Variants in DCC observed in about 807,000 individuals in gnomAD.
DCC encodes the protein netrin receptor DCC.
DCC carries 58 observed loss-of-function variants against 172.5 expected under a neutral mutation model. That is an observed-to-expected ratio of 0.34 (90% confidence interval 0.27 to 0.42). The LOEUF (loss-of-function observed/expected upper bound fraction) is 0.42, where lower values mean the gene tolerates loss of function less well. DCC is among the 10% of genes least tolerant of loss of function. DCC has a pLI of 1.00. For synonymous variants in DCC, 709 were observed against 644.5 expected (o/e 1.10, Z -1.52); for missense variants, 1,740 against 1,791.0 (o/e 0.97, Z 0.51).
In DCC at chr18:53,534,924, G is replaced by C. The variant is rs1456449513; in HGVS notation, c.*4271G>C. 2.0e-5 allele frequency: 3 copies of C among 152,152 alleles called. No homozygotes were observed. Among genetic ancestry groups the C allele is most frequent in the Admixed American group, 2.0e-4 (3 of 15,270 alleles). The allele number at this position is 152,152 out of a possible 1,614,324, so 9.4% of individuals were successfully genotyped here. A position where few individuals can be genotyped will look rare whatever the true frequency, so the allele number is the denominator to read the frequency against. ...ACTTTTTTCTCTTACTCTCAATAGA[G>C]AGCCTTTGTACATTGTCATCCTATG... is the stretch of plus-strand genomic sequence containing the variant. On this transcript the variant is annotated 3_prime_UTR_variant, in exon 29 of 29. Coordinates refer to ENST00000442544, the MANE Select transcript of DCC (RefSeq NM_005215.4).
At chr18:53,394,912 C>A (rs368963521) in intron 17 of DCC, among the ~76,000 whole-genome samples, 1 of 148,518 alleles carries the variant, frequency 6.7e-6, no homozygotes, top group Admixed American at 6.7e-5. Flanking sequence ...GAGGCCGAGG[C>A]GGGTGGATCG....
chr18:53,205,620 T>C (rs1319293230), intron 10 of DCC, among the ~76,000 whole-genome samples: 1 of 152,150 alleles, frequency 6.6e-6, no homozygotes, highest in African/African-American at 2.4e-5. Context: ...TTTGGTTGAG[T>C]CTGCAGTGGC....
chr18:53,269,903 G>A (rs570287311), intron 12 of DCC, among the ~76,000 whole-genome samples: 2 of 152,274 alleles, frequency 1.3e-5, no homozygotes, highest in Admixed American at 6.5e-5. Flanking sequence ...CTGGAGAATG[G>A]ATGGCAATAG....
intron 12 of DCC, among the ~76,000 whole-genome samples, chr18:53,299,308 G>T (rs559943895): frequency 5.9e-5 from 9 of 152,098 alleles, no homozygotes; most frequent in Middle Eastern, 3.4e-3. Context: ...TCTCTCTTTT[G>T]CATGGTCTGA....
At chr18:53,175,079 A>G (rs1009468005) in intron 8 of DCC, among the ~76,000 whole-genome samples, 1 of 152,050 alleles carries the variant, frequency 6.6e-6, no homozygotes. Flanking sequence ...CAAAAACCAC[A>G]TGATTATCTC....
At chr18:52,901,367 T>G (rs368174666) in intron 2 of DCC, among the ~76,000 whole-genome samples, 1 of 152,028 alleles carries the variant, frequency 6.6e-6, no homozygotes, top group East Asian at 1.9e-4. Flanking sequence ...AGGAGACAGG[T>G]TGCTATGAGC....
At chr18:53,082,668 C>G (rs1043546350) in intron 7 of DCC, among the ~76,000 whole-genome samples, 7 of 152,064 alleles carry the variant, frequency 4.6e-5, no homozygotes. Flanking sequence ...AATCTATTTA[C>G]TAGCTCTTGT....
chr18:53,284,540 T>A (rs1196187412), intron 12 of DCC, among the ~76,000 whole-genome samples: 1 of 152,180 alleles, frequency 6.6e-6, no homozygotes, highest in East Asian at 1.9e-4. Flanking sequence ...CCCAGCCACA[T>A]GAAACTGTAA....
intron 5 of DCC, among the ~76,000 whole-genome samples, chr18:52,983,457 A>G (rs972573503): frequency 3.3e-5 from 5 of 152,224 alleles, no homozygotes; most frequent in African/African-American, 1.2e-4. Context: ...TTTAGGCTAT[A>G]AATTCTAAAT....
chr18:52,603,387 C>T (rs1568250833), intron 1 of DCC, among the ~76,000 whole-genome samples: 1 of 151,836 alleles, frequency 6.6e-6, no homozygotes, highest in African/African-American at 2.4e-5. Flanking sequence ...TAATTCCCTT[C>T]TAGCTCTAAA....
At chr18:52,525,009 CT>C (rs2144673053) in intron 1 of DCC, among the ~76,000 whole-genome samples, 1 of 152,156 alleles carries the variant, frequency 6.6e-6, no homozygotes, top group Non-Finnish European at 1.5e-5. Context: ...TGAGATTTTG[CT>C]TCTTATCTTT....
At position 53,339,885 on chromosome 18, in the gene DCC, A is replaced by G. The variant is rs770030186; in HGVS notation, c.2337A>G (p.Arg779=). 1.5e-5 allele frequency: 25 copies of G among 1,613,530 alleles called. No homozygotes were observed. In the South Asian group the frequency reaches 2.6e-4, roughly 17 times the overall value. ...CAGTGCGTGTGGACAGCAAGCAGCG[A>G]TATTATTCCATTGAGAGGTTAGGTG... The part of the protein sequence containing the change: ...AETVRVDSKQ[R]YYSIERLESS... Residue 779 remains arginine, a synonymous_variant, in exon 15 of 29, where the codon CGA becomes CGG. Coordinates refer to ENST00000442544, the MANE Select transcript of DCC (RefSeq NM_005215.4).
intron 15 of DCC, among the ~76,000 whole-genome samples, chr18:53,342,500 ATAT>A (rs1413864625): frequency 4.6e-5 from 7 of 151,602 alleles, no homozygotes; most frequent in Non-Finnish European, 1.0e-4. Context: ...CTTTATTCAG[ATAT>A]TATTTATATA....
At chr18:52,671,448 A>G (rs951612756) in intron 1 of DCC, among the ~76,000 whole-genome samples, 2 of 152,002 alleles carry the variant, frequency 1.3e-5, no homozygotes, top group Non-Finnish European at 2.9e-5. Context: ...TAAAAAAATC[A>G]AAAGGCTCAG....
At chr18:53,380,774 C>A (rs1907664327) in intron 15 of DCC, among the ~76,000 whole-genome samples, 1 of 152,176 alleles carries the variant, frequency 6.6e-6, no homozygotes, top group Non-Finnish European at 1.5e-5. Context: ...GCCAAAACAT[C>A]TTCAGGACTC....
intron 21 of DCC, among the ~76,000 whole-genome samples, chr18:53,422,338 G>A (rs1015650550): frequency 4.6e-5 from 7 of 152,074 alleles, no homozygotes; most frequent in African/African-American, 1.4e-4. Context: ...TGGGTGTCCT[G>A]AATTGCAATT....
chr18:53,074,149 G>A (rs574427279), intron 7 of DCC, among the ~76,000 whole-genome samples: 7 of 152,142 alleles, frequency 4.6e-5, no homozygotes, highest in African/African-American at 1.2e-4. Flanking sequence ...GTTAAATTTT[G>A]TCTCTTATAT....
chr18:52,504,728 T>TC (rs1273292020), intron 1 of DCC, among the ~76,000 whole-genome samples: 4 of 151,700 alleles, frequency 2.6e-5, no homozygotes, highest in East Asian at 1.9e-4. Context: ...TCCTCCTGCT[T>TC]CCCCCCTCAA....
chr18:53,404,658 G>C (rs540525316), intron 19 of DCC, among the ~76,000 whole-genome samples: 3 of 152,056 alleles, frequency 2.0e-5, no homozygotes, highest in South Asian at 2.1e-4. Flanking sequence ...ATGAACCCAC[G>C]AGGCGGAGCT....
Sources: allele counts gnomAD v4.1 joint callset (sites outside exome capture counted in the v4.1 genomes callset), GRCh38; gene constraint gnomAD v4.1.1; transcripts MANE v1.5; gene names NCBI Gene and HGNC (gene_info 2026-07-23, HGNC 2026-07-21).